The following ROBO2 variants were observed in gnomAD, a reference collection of about 807,000 sequenced individuals.
The protein encoded by ROBO2 is roundabout guidance receptor 2, also known as roundabout homolog 2.
Under a neutral mutation model 160.8 loss-of-function variants are expected in ROBO2, and 53 were observed. The observed-to-expected ratio is 0.33, with a 90% CI of 0.26 to 0.41. The LOEUF is 0.41. Ranked by LOEUF, ROBO2 falls within the 10% of genes least tolerant of loss-of-function variation. The pLI is 1.00. For missense variants in ROBO2, 1,577 were observed against 1,722.4 expected (o/e 0.92, Z 1.49); for synonymous variants, 664 against 611.7 (o/e 1.09, Z -1.26).
At chr3:76,016,368 T>A (rs1338255186) in intron 2 of ROBO2, among the ~76,000 whole-genome samples, 1 of 151,924 alleles carries the variant, frequency 6.6e-6, no homozygotes, top group African/African-American at 2.4e-5. Context: ...ATAATGAATC[T>A]ATTCATGAAC....
chr3:77,513,207 TA>T (rs2089619921), intron 5 of ROBO2, among the ~76,000 whole-genome samples: 1 of 151,848 alleles, frequency 6.6e-6, no homozygotes, highest in Non-Finnish European at 1.5e-5. Context: ...TTCCTCCTCC[TA>T]AATTCTGTGT....
At chr3:76,221,446 G>A (rs1043620296) in intron 2 of ROBO2, among the ~76,000 whole-genome samples, 2 of 151,310 alleles carry the variant, frequency 1.3e-5, no homozygotes, top group Admixed American at 6.6e-5. Flanking sequence ...GGGTGACGGT[G>A]AGCAGTGCCA....
Position 76,750,218 on chromosome 3 carries a change from C to A in ROBO2, c.110-347796C>A, listed in dbSNP as rs977683230. Reference sequence around the variant, plus strand: ...AACCACATGATTATCTCAGTAGATGCAGAAAAGGCCTTTGACAAAATTCAA... The same window carrying A: ...AACCACATGATTATCTCAGTAGATGAAGAAAAGGCCTTTGACAAAATTCAA... On this transcript the variant is annotated intron_variant, in intron 2 of 26. Coordinates refer to the ROBO2 transcript ENST00000487694. Among the ~76,000 whole-genome samples, 5 of 152,166 alleles carry A rather than the reference C, an allele frequency of 3.3e-5. No homozygotes were observed. The East Asian group carries it at 9.7e-4, about 29-fold the overall frequency.
chr3:77,421,730 T>G (rs2077731282), intron 2 of ROBO2, among the ~76,000 whole-genome samples: 1 of 152,092 alleles, frequency 6.6e-6, no homozygotes, highest in Admixed American at 6.6e-5. Flanking sequence ...AAAGGGAAAA[T>G]GATAAGCAGA....
chr3:77,634,652 G>C (rs1176092948), intron 23 of ROBO2: 1 of 546,726 alleles, frequency 1.8e-6, no homozygotes, highest in African/African-American at 1.9e-5. Context: ...TTTTGAGGGG[G>C]CCAGTGGGGG....
chr3:76,270,427 C>A (rs960291095), intron 2 of ROBO2, among the ~76,000 whole-genome samples: 3 of 151,860 alleles, frequency 2.0e-5, no homozygotes, highest in Non-Finnish European at 4.4e-5. Flanking sequence ...TGTATAATTC[C>A]CCATATTCTA....
chr3:76,431,730 G>A (rs1316289349), intron 2 of ROBO2, among the ~76,000 whole-genome samples: 2 of 152,110 alleles, frequency 1.3e-5, no homozygotes, highest in Admixed American at 6.5e-5. Context: ...AATAAAGAAG[G>A]AGGGTGTTAT....
chr3:77,594,383 T>G (rs2094250444), intron 17 of ROBO2, among the ~76,000 whole-genome samples: 1 of 152,192 alleles, frequency 6.6e-6, no homozygotes, highest in South Asian at 2.1e-4. Flanking sequence ...TAAAATCCAC[T>G]TTCATGTTGT....
At chr3:76,665,098 A>T (rs141352260) in intron 2 of ROBO2, among the ~76,000 whole-genome samples, 1 of 152,184 alleles carries the variant, frequency 6.6e-6, no homozygotes, top group Non-Finnish European at 1.5e-5. Context: ...TGGCTGAGGA[A>T]TGTATGGAAG....
chr3:76,059,651 T>G (rs1286512926), intron 2 of ROBO2, among the ~76,000 whole-genome samples: 1 of 152,208 alleles, frequency 6.6e-6, no homozygotes, highest in Non-Finnish European at 1.5e-5. Context: ...GCTCTTTAGT[T>G]TAATTAGATC....
chr3:77,018,922 A>G (rs943804999), intron 2 of ROBO2, among the ~76,000 whole-genome samples: 2 of 152,132 alleles, frequency 1.3e-5, no homozygotes, highest in Non-Finnish European at 2.9e-5. Flanking sequence ...CTGTCAACTG[A>G]TTATCAGAGT....
chr3:77,192,428 A>T (rs2150951574), intron 2 of ROBO2, among the ~76,000 whole-genome samples: 1 of 152,236 alleles, frequency 6.6e-6, no homozygotes, highest in South Asian at 2.1e-4. Flanking sequence ...AATAAGTATA[A>T]CTTTAAATGT....
intron 2 of ROBO2, among the ~76,000 whole-genome samples, chr3:77,343,206 T>C (rs1037417282): frequency 3.3e-5 from 5 of 152,158 alleles, no homozygotes; most frequent in Non-Finnish European, 7.3e-5. Context: ...CTTTAACATA[T>C]AAATTTTGAG....
chr3:77,384,294 C>A (rs2073874764), intron 2 of ROBO2, among the ~76,000 whole-genome samples: 1 of 152,096 alleles, frequency 6.6e-6, no homozygotes, highest in Non-Finnish European at 1.5e-5. Flanking sequence ...TAAGCTTAGT[C>A]CTCAATGACT....
intron 2 of ROBO2, among the ~76,000 whole-genome samples, chr3:76,058,848 G>A (rs1450795194): frequency 4.0e-5 from 5 of 125,142 alleles, no homozygotes; most frequent in Admixed American, 2.0e-4. Context: ...CCCTTCCTGT[G>A]TCCATGTGTT....
At chr3:77,612,135 C>T (rs2094656098) in intron 21 of ROBO2, among the ~76,000 whole-genome samples, 1 of 152,136 alleles carries the variant, frequency 6.6e-6, no homozygotes, top group Admixed American at 6.5e-5. Context: ...GACAATAAGT[C>T]AAAGAACAAA....
intron 2 of ROBO2, among the ~76,000 whole-genome samples, chr3:77,176,223 G>A (rs909262122): frequency 4.6e-5 from 7 of 151,890 alleles, no homozygotes; most frequent in African/African-American, 1.5e-4. Context: ...AGAAAAAAAA[G>A]GTGTTTAATT....
At chr3:77,224,476 G>C (rs1166282628) in intron 2 of ROBO2, among the ~76,000 whole-genome samples, 2 of 151,888 alleles carry the variant, frequency 1.3e-5, no homozygotes, top group African/African-American at 4.8e-5. Context: ...ACATAATAAA[G>C]TACAGAGAAC....
At chr3:76,959,675 A>G (rs894732612) in intron 2 of ROBO2, among the ~76,000 whole-genome samples, 4 of 152,132 alleles carry the variant, frequency 2.6e-5, no homozygotes, top group Non-Finnish European at 4.4e-5. Flanking sequence ...ACACTTTTTT[A>G]TGTATACATT....
Sources: gnomAD v4.1 joint callset for allele counts (sites outside exome capture counted in the v4.1 genomes callset) on GRCh38, gnomAD v4.1.1 for gene constraint, MANE v1.5 for transcripts, NCBI Gene and HGNC (gene_info 2026-07-23, HGNC 2026-07-21) for gene names.